The following ITGB8 variants were observed in gnomAD, a reference collection of about 807,000 sequenced individuals.
The protein encoded by ITGB8 is integrin subunit beta 8, also known as integrin beta-8.
ITGB8 carries 30 observed loss-of-function variants against 89.5 expected under a neutral mutation model. The observed-to-expected ratio is 0.34, with a 90% CI of 0.25 to 0.45. ITGB8 has a LOEUF of 0.45. Among genes scored for constraint, ITGB8 ranks in the 20% least tolerant of loss-of-function variants. ITGB8 has a pLI of 1.00. For missense variants in ITGB8, 836 were observed against 933.3 expected (o/e 0.90, Z 1.36); for synonymous variants, 335 against 320.4 (o/e 1.05, Z -0.49).
chr7:20,346,679 G>A (rs541474761), intron 1 of ITGB8: 10 of 985,140 alleles, frequency 1.0e-5, no homozygotes, highest in South Asian at 9.4e-5. Flanking sequence ...CAAAAGCAAC[G>A]TGGACTTTCT....
chr7:20,380,488 A>G, intron 4 of ITGB8, 178 bp from the exon 5 acceptor site: 2 of 559,144 alleles, frequency 3.6e-6, no homozygotes, highest in Non-Finnish European at 6.2e-6. Context: ...TTGCAAAGAA[A>G]TTGTCATCAG....
rs1787334952 is a variant in ITGB8, at chr7:20,402,026, GAAATGT to G, written c.1588_1593del (p.Lys530_Cys531del). 6.2e-7 allele frequency: 1 copy of G among 1,614,012 alleles called. No homozygotes were observed. The highest frequency in any genetic ancestry group is 1.7e-5 in the Admixed American group (1 of 60,004). ...GTGGTCGAGGAGTTTGTGTTTGTGG[GAAATGT>G]TCATGTCACAAAATTAAGCTTGGAA... is the stretch of plus-strand genomic sequence containing the variant. On this transcript the variant is annotated inframe_deletion, in exon 10 of 14. Transcript: ENST00000222573.
At chr7:20,333,967 C>A (rs1338241821) in intron 1 of ITGB8, among the ~76,000 whole-genome samples, 1 of 152,116 alleles carries the variant, frequency 6.6e-6, no homozygotes, top group Non-Finnish European at 1.5e-5. Flanking sequence ...GTATCAGTTA[C>A]AATGGAAATC....
At chr7:20,359,456 G>T (rs374657099) in intron 1 of ITGB8, among the ~76,000 whole-genome samples, 25 of 152,354 alleles carry the variant, frequency 1.6e-4, no homozygotes, top group African/African-American at 4.6e-4. Context: ...TGAGGTGTCA[G>T]TGCAGTGCTG....
chr7:20,381,629 T>C (rs899312250), intron 5 of ITGB8, 98 bp from the exon 6 acceptor site: 104 of 867,066 alleles, frequency 1.2e-4, no homozygotes, highest in Non-Finnish European at 1.7e-4. Context: ...TAGCCTGACT[T>C]ACTGTTCGTC....
In ITGB8 at chr7:20,412,407, G is replaced by GT. The variant is rs1787794404; in HGVS notation, c.*2411dup. ...TGACAACCCTCCAAAAGAAAAAAGT[G>GT]TAAGATAGCCATTAAGATGATGACA... On this transcript the variant is annotated 3_prime_UTR_variant, in exon 14 of 14. Transcript: ENST00000222573. The GT allele has an allele frequency of 6.6e-6, 1 of 152,458 alleles. No individual in the cohort carries two copies. Among genetic ancestry groups the GT allele is most frequent in the Admixed American group, 6.5e-5 (1 of 15,268 alleles). The allele number at this position is 152,458 out of a possible 1,614,324, so 9.4% of individuals were successfully genotyped here.
At chr7:20,375,559 C>A (rs1786106868) in intron 3 of ITGB8, among the ~76,000 whole-genome samples, 1 of 152,164 alleles carries the variant, frequency 6.6e-6, no homozygotes, top group African/African-American at 2.4e-5. Flanking sequence ...ATTTTGTTTT[C>A]TGTTGTAGAA....
intron 7 of ITGB8, 77 bp downstream of exon 7, chr7:20,391,575 A>G: frequency 1.5e-6 from 1 of 665,214 alleles, no homozygotes. Flanking sequence ...TTAGAACCAC[A>G]GATAAGGATT....
At chr7:20,366,729 C>T (rs1227149537) in intron 2 of ITGB8, 1 of 281,360 alleles carries the variant, frequency 3.6e-6, no homozygotes, top group African/African-American at 2.3e-5. Context: ...CGTGCCACTG[C>T]ACTCCAGCCT....
At chr7:20,378,360 A>G (rs952863867) in intron 3 of ITGB8, among the ~76,000 whole-genome samples, 4 of 152,152 alleles carry the variant, frequency 2.6e-5, no homozygotes, top group African/African-American at 9.7e-5. Context: ...TGTGTTGGAC[A>G]AATGCTGACC....
In ITGB8 at chr7:20,331,944, T is replaced by C. The variant is rs1182765635; in HGVS notation, c.127+11T>C. 6.2e-7 allele frequency: 1 copy of C among 1,613,388 alleles called. No homozygotes were observed. The highest frequency in any genetic ancestry group is 8.5e-7 in the Non-Finnish European group (1 of 1,179,716). ...GACTGGGCCAAGGTGGTAAGTTGTT[T>C]TGTTTTGTTTTGTTTTCTTCTCTTC... On this transcript the variant is annotated intron_variant, in intron 1 of 13. Transcript: ENST00000222573.
At chr7:20,395,405 A>G (rs1787030640) in intron 8 of ITGB8, among the ~76,000 whole-genome samples, 1 of 152,266 alleles carries the variant, frequency 6.6e-6, no homozygotes, top group Non-Finnish European at 1.5e-5. Flanking sequence ...AGCAATTATT[A>G]AGAGGAGTCG....
At chr7:20,370,924 C>T (rs931540116) in intron 3 of ITGB8, among the ~76,000 whole-genome samples, 2 of 152,128 alleles carry the variant, frequency 1.3e-5, no homozygotes, top group African/African-American at 4.8e-5. Context: ...TAAACTCTTA[C>T]ATCACTTTAG....
intron 3 of ITGB8, among the ~76,000 whole-genome samples, chr7:20,372,871 A>G (rs1322103370): frequency 6.6e-5 from 10 of 152,186 alleles, no homozygotes; most frequent in East Asian, 1.9e-4. Flanking sequence ...AACTGAAAAT[A>G]TGTTCTTAAA....
Sources: allele counts gnomAD v4.1 joint callset (sites outside exome capture counted in the v4.1 genomes callset), GRCh38; gene constraint gnomAD v4.1.1; transcripts MANE v1.5; gene names NCBI Gene and HGNC (gene_info 2026-07-23, HGNC 2026-07-21).